ARHGAP24: variants seen among roughly 807,000 people sequenced by gnomAD.
ARHGAP24 encodes Rho GTPase activating protein 24, also known as rho GTPase-activating protein 24.
ARHGAP24 carries 50 observed loss-of-function variants against 76.4 expected under a neutral mutation model. That is an observed-to-expected ratio of 0.65 (90% CI 0.52 to 0.83). ARHGAP24 has a LOEUF of 0.83. Ranked by LOEUF, ARHGAP24 falls within the 40% of genes least tolerant of loss-of-function variation. The pLI is 0.00. For synonymous variants in ARHGAP24, 345 were observed against 323.3 expected (o/e 1.07, Z -0.72); for missense variants, 930 against 914.2 (o/e 1.02, Z -0.22).
intron 3 of ARHGAP24, among the ~76,000 whole-genome samples, chr4:85,878,205 G>A (rs1333596390): frequency 1.3e-5 from 2 of 152,090 alleles, no homozygotes; most frequent in Non-Finnish European, 2.9e-5. Flanking sequence ...AGATGGTGAT[G>A]ATGGTAGATA....
At chr4:85,871,081 A>G (rs1732499898) in intron 3 of ARHGAP24, among the ~76,000 whole-genome samples, 1 of 151,940 alleles carries the variant, frequency 6.6e-6, no homozygotes, top group African/African-American at 2.4e-5. Flanking sequence ...TGGTGGGGAG[A>G]AAGGGAATTG....
chr4:85,563,485 T>TCTTCTTATAAGGGCC (rs1289659955), intron 1 of ARHGAP24, among the ~76,000 whole-genome samples: 2 of 152,184 alleles, frequency 1.3e-5, no homozygotes, highest in East Asian at 3.8e-4. Flanking sequence ...TTCTGGTGTC[T>TCTTCTTATAAGGGCC]CTTCTTATAA....
chr4:85,923,130 G>A (rs1437255458), intron 3 of ARHGAP24, among the ~76,000 whole-genome samples: 2 of 152,044 alleles, frequency 1.3e-5, no homozygotes, highest in Non-Finnish European at 2.9e-5. Flanking sequence ...CAGAGGCATA[G>A]AGAAGAACCT....
intron 2 of ARHGAP24, among the ~76,000 whole-genome samples, chr4:85,717,453 C>T (rs1264602952): frequency 6.6e-6 from 1 of 152,034 alleles, no homozygotes; most frequent in Non-Finnish European, 1.5e-5. Context: ...AAGAACCTAC[C>T]CTGGCTCTCA....
intron 3 of ARHGAP24, among the ~76,000 whole-genome samples, chr4:85,918,840 G>A (rs1735561585): frequency 6.6e-6 from 1 of 152,144 alleles, no homozygotes; most frequent in Non-Finnish European, 1.5e-5. Flanking sequence ...AATGGTTGAT[G>A]TGTCAACAGT....
intron 4 of ARHGAP24, chr4:85,930,207 T>TC (rs1287134351): frequency 3.1e-6 from 3 of 978,040 alleles, no homozygotes; most frequent in East Asian, 1.1e-4. Context: ...CAAAGCTGCC[T>TC]CCCCCCACAG....
At chr4:85,955,692 GGACATT>G (rs1211421985) in intron 5 of ARHGAP24, among the ~76,000 whole-genome samples, 2 of 152,168 alleles carry the variant, frequency 1.3e-5, no homozygotes, top group Non-Finnish European at 1.5e-5. Flanking sequence ...GTATGGTAAA[GGACATT>G]GATCATTAGA....
At chr4:85,934,930 C>G (rs1457927118) in intron 4 of ARHGAP24, among the ~76,000 whole-genome samples, 1 of 152,206 alleles carries the variant, frequency 6.6e-6, no homozygotes, top group Non-Finnish European at 1.5e-5. Context: ...TGCACATACA[C>G]ACACACACAC....
intron 2 of ARHGAP24, among the ~76,000 whole-genome samples, chr4:85,636,555 T>TAC (rs34719562): frequency 0.011 from 1,599 of 151,064 alleles, 86 homozygotes; most frequent in Admixed American, 0.094. Context: ...TTGGGAATAT[T>TAC]ACACACACAC....
intron 3 of ARHGAP24, among the ~76,000 whole-genome samples, chr4:85,793,425 A>G (rs1405231220): frequency 6.6e-6 from 1 of 152,168 alleles, no homozygotes; most frequent in Non-Finnish European, 1.5e-5. Context: ...CTGGTAAGTT[A>G]CTAAGCTCCT....
At chr4:85,715,608 G>A (rs1386786584) in intron 2 of ARHGAP24, among the ~76,000 whole-genome samples, 3 of 151,946 alleles carry the variant, frequency 2.0e-5, no homozygotes, top group Non-Finnish European at 4.4e-5. Context: ...TTTGACTCTA[G>A]AATAGATTTA....
intron 1 of ARHGAP24, among the ~76,000 whole-genome samples, chr4:85,568,884 T>C (rs1283125638): frequency 6.6e-6 from 1 of 152,220 alleles, no homozygotes; most frequent in Non-Finnish European, 1.5e-5. Flanking sequence ...GATTGAAATA[T>C]ATGCCAGTGA....
intron 3 of ARHGAP24, among the ~76,000 whole-genome samples, chr4:85,863,676 CA>C (rs1177341155): frequency 6.6e-6 from 1 of 152,032 alleles, no homozygotes; most frequent in African/African-American, 2.4e-5. Context: ...TATACTTCGA[CA>C]ACAGTAACTT....
At chr4:85,934,001 T>A (rs1176857806) in intron 4 of ARHGAP24, among the ~76,000 whole-genome samples, 1 of 152,210 alleles carries the variant, frequency 6.6e-6, no homozygotes, top group Non-Finnish European at 1.5e-5. Context: ...TAGCTCTTTG[T>A]GCCTTTATTG....
Position 85,691,079 on chromosome 4 carries a change from T to A in ARHGAP24, c.181-30806T>A, listed in dbSNP as rs551543321. ...CATTAGCTTCAAATAATTTTTTGAT[T>A]TATGCCTTAATTTTGATGTTCACCC... is the stretch of plus-strand genomic sequence containing the variant. On this transcript the variant is annotated intron_variant, in intron 2 of 9. Transcript: ENST00000395184. 2.0e-5 allele frequency among the ~76,000 whole-genome samples: 3 copies of A among 152,312 alleles called. No individual in the cohort carries two copies. The East Asian group carries it at 5.8e-4, about 29-fold the overall frequency.
intron 3 of ARHGAP24, among the ~76,000 whole-genome samples, chr4:85,890,988 C>T (rs974162169): frequency 5.3e-5 from 8 of 152,046 alleles, no homozygotes; most frequent in African/African-American, 9.6e-5. Flanking sequence ...AGTGAGATTG[C>T]GATGGATGAT....
At chr4:85,987,258 C>T (rs902809541) in intron 8 of ARHGAP24, among the ~76,000 whole-genome samples, 9 of 152,056 alleles carry the variant, frequency 5.9e-5, no homozygotes, top group Non-Finnish European at 1.5e-5. Context: ...TTTCTGTACA[C>T]CTGAAACTGC....
At chr4:85,549,842 T>C (rs7676608) in intron 1 of ARHGAP24, among the ~76,000 whole-genome samples, 1,980 of 152,282 alleles carry the variant, frequency 0.013, 23 homozygotes, top group Non-Finnish European at 0.02. Context: ...CTCCCACATA[T>C]AAGTGAGAAC....
rs536010274 is a variant in ARHGAP24 at position 85,727,798 on chromosome 4, C to G, written c.268+5826C>G. 3.3e-5 allele frequency among the ~76,000 whole-genome samples: 5 copies of G among 152,186 alleles called. No individual in the cohort carries two copies. The South Asian group carries it at 1.0e-3, about 32-fold the overall frequency. On this transcript the variant is annotated intron_variant, in intron 3 of 9. Coordinates refer to ENST00000395184, the MANE Select transcript of ARHGAP24 (RefSeq NM_001025616.3). ...GCTTTCAAGGGCAATTGTCAATATTCCAGACCCTAAAAGGCCCATCTGACC... is the reference window on the plus strand; with the variant it reads ...GCTTTCAAGGGCAATTGTCAATATTGCAGACCCTAAAAGGCCCATCTGACC...
Sources: allele counts gnomAD v4.1 joint callset (sites outside exome capture counted in the v4.1 genomes callset), GRCh38; gene constraint gnomAD v4.1.1; transcripts MANE v1.5; gene names NCBI Gene and HGNC (gene_info 2026-07-23, HGNC 2026-07-21).